The following CPEB1 variants were observed in gnomAD, a reference collection of about 807,000 sequenced individuals.
The protein encoded by CPEB1 is cytoplasmic polyadenylation element binding protein 1, also known as cytoplasmic polyadenylation element-binding protein 1.
In CPEB1, 7 loss-of-function variants were observed where a neutral mutation model predicts 65.8. The ratio of observed to expected loss-of-function variants is 0.11; its 90% CI spans 0.06 to 0.20. CPEB1 has a LOEUF of 0.20. Among genes scored for constraint, CPEB1 ranks in the 10% least tolerant of loss-of-function variants. The pLI is 1.00. For missense variants in CPEB1, 551 were observed against 712.2 expected (o/e 0.77, Z 2.58); for synonymous variants, 262 against 260.0 (o/e 1.01, Z -0.08).
rs73439165 is a variant in CPEB1, at chr15:82,613,319, G to T, written c.271+13874C>A. Among the ~76,000 whole-genome samples, 1,366 of 152,300 alleles carry T rather than the reference G, an allele frequency of 9.0e-3. 22 individuals carry two copies. The highest frequency in any genetic ancestry group is 0.032 in the African/African-American group (1,318 of 41,568). ...ATAAAGGAGAAAGGTTAAATGAATAGATGCAGAAAAGCTGATATAATTTAA... is the reference window on the plus strand; with the variant it reads ...ATAAAGGAGAAAGGTTAAATGAATATATGCAGAAAAGCTGATATAATTTAA... On this transcript the variant is annotated intron_variant, in intron 3 of 12. Transcript: ENST00000684509.
chr15:82,602,612 G>A (rs908126353), intron 3 of CPEB1, among the ~76,000 whole-genome samples: 17 of 152,126 alleles, frequency 1.1e-4, no homozygotes, highest in African/African-American at 3.1e-4. Context: ...TTGGGAGGCC[G>A]AGGCGAATGG....
At chr15:82,643,081 T>C (rs2047230842) in intron 1 of CPEB1, among the ~76,000 whole-genome samples, 1 of 152,164 alleles carries the variant, frequency 6.6e-6, no homozygotes, top group Admixed American at 6.5e-5. Context: ...AGAGAGCTAC[T>C]TTAGTCACCT....
At chr15:82,558,070 C>A (rs887479108) in intron 4 of CPEB1, 84 bp from the exon 5 acceptor site, 1 of 890,022 alleles carries the variant, frequency 1.1e-6, no homozygotes, top group Non-Finnish European at 1.7e-6. Flanking sequence ...AGCCACCCAA[C>A]AAGAGATACC....
intron 3 of CPEB1, among the ~76,000 whole-genome samples, chr15:82,619,265 T>C (rs2045067114): frequency 6.6e-6 from 1 of 152,220 alleles, no homozygotes; most frequent in Non-Finnish European, 1.5e-5. Context: ...AAAATTAATC[T>C]TCCCCTTCTT....
intron 3 of CPEB1, among the ~76,000 whole-genome samples, chr15:82,622,121 T>G (rs1267915965): frequency 1.3e-5 from 2 of 152,104 alleles, no homozygotes; most frequent in Admixed American, 6.5e-5. Context: ...CCTCACAGAT[T>G]CCAAAAGGTC....
intron 3 of CPEB1, among the ~76,000 whole-genome samples, chr15:82,623,601 G>A (rs1037844747): frequency 6.6e-6 from 1 of 152,092 alleles, no homozygotes; most frequent in Non-Finnish European, 1.5e-5. Context: ...ACTTGGACCC[G>A]GGAGTTGGAG....
At chr15:82,561,949 C>T (rs1468843311) in intron 4 of CPEB1, among the ~76,000 whole-genome samples, 1 of 152,192 alleles carries the variant, frequency 6.6e-6, no homozygotes, top group Non-Finnish European at 1.5e-5. Flanking sequence ...AAGCTTCTAA[C>T]AACTTACTGA....
At chr15:82,633,896 A>T (rs988726659) in intron 1 of CPEB1, among the ~76,000 whole-genome samples, 4 of 152,058 alleles carry the variant, frequency 2.6e-5, no homozygotes, top group African/African-American at 9.7e-5. Flanking sequence ...GAAAGAACAC[A>T]GGCTTTGCAA....
intron 8 of CPEB1, 100 bp downstream of exon 8, chr15:82,553,367 A>T (rs2036612310): frequency 2.4e-6 from 2 of 849,076 alleles, no homozygotes; most frequent in Admixed American, 2.1e-5. Context: ...CATGTTACCA[A>T]CATGCAGCTG....
At chr15:82,573,159 C>T (rs2040268012) in intron 3 of CPEB1, 1 of 1,534,976 alleles carries the variant, frequency 6.5e-7, no homozygotes, top group Admixed American at 2.0e-5. Context: ...TCAGAACTTC[C>T]TGCAGTACAC....
intron 11 of CPEB1, 74 bp from the exon 12 acceptor site, chr15:82,546,595 A>T: frequency 1.9e-6 from 2 of 1,080,244 alleles, no homozygotes; most frequent in Non-Finnish European, 2.9e-6. Flanking sequence ...GAAGAAGGGC[A>T]CATTATTGGC....
At chr15:82,573,627 CAT>C (rs1447475690) in intron 3 of CPEB1, among the ~76,000 whole-genome samples, 1 of 152,036 alleles carries the variant, frequency 6.6e-6, no homozygotes, top group Non-Finnish European at 1.5e-5. Context: ...GGTGACTGTG[CAT>C]ATGATTACCC....
Position 82,553,969 on chromosome 15 carries a change from G to C in CPEB1, c.963C>G (p.Thr321=), listed in dbSNP as rs1195050984. ...TCCGGGGAGGAAGCTGGCCACTCCA[G>C]GTACAGGTGGCTTCATTCACAGCTT... ...QAAAVNEATC[T]WSGQLPPRNY... Residue 321 remains threonine (T), a synonymous_variant, in exon 7 of 13, where the codon ACC becomes ACG. Transcript: ENST00000684509. 6.2e-7 allele frequency: 1 copy of C among 1,606,182 alleles called. No homozygotes were observed.
Position 82,570,485 on chromosome 15 carries a change from C to A in CPEB1, c.460+859G>T, listed in dbSNP as rs148866079. Among the ~76,000 whole-genome samples the A allele has an allele frequency of 8.3e-4, 125 of 150,138 alleles. 1 individual carries two copies. The highest frequency in any genetic ancestry group is 2.9e-3 in the African/African-American group (120 of 40,840). On this transcript the variant is annotated intron_variant, in intron 4 of 12. Coordinates refer to ENST00000684509, the MANE Select transcript of CPEB1 (RefSeq NM_001365242.1). ...CAAAATATGTAGCTTGTAAGTATAC[C>A]TGTAGTGTTTAAGTTCACATTTCTT...
chr15:82,569,369 C>T (rs887696191), intron 4 of CPEB1, among the ~76,000 whole-genome samples: 2 of 152,140 alleles, frequency 1.3e-5, no homozygotes, highest in Non-Finnish European at 2.9e-5. Flanking sequence ...GAAAACATAC[C>T]CACACTAACC....
At chr15:82,602,075 C>T (rs1337298829) in intron 3 of CPEB1, among the ~76,000 whole-genome samples, 2 of 152,166 alleles carry the variant, frequency 1.3e-5, no homozygotes, top group Non-Finnish European at 1.5e-5. Context: ...ATAAGTATAT[C>T]TAGAACATTT....
chr15:82,648,003 A>G (rs1013508701), upstream of CPEB1: 3 of 670,082 alleles, frequency 4.5e-6, no homozygotes, highest in Admixed American at 9.0e-5. Context: ...TGAAGCTCCT[A>G]CGAGCCGCTC....
At chr15:82,615,745 C>A (rs1253471748) in intron 3 of CPEB1, among the ~76,000 whole-genome samples, 1 of 152,092 alleles carries the variant, frequency 6.6e-6, no homozygotes, top group African/African-American at 2.4e-5. Flanking sequence ...GAAATCCTAG[C>A]AGGATTATAA....
In CPEB1 at chr15:82,579,957, A is replaced by G. The variant is rs2041098343; in HGVS notation, c.272-8425T>C. ...AAAAAAAAAAAAAAAAAAAAAAAAA[A>G]GACTCTCAAGCACAAAATATTACAT... is the stretch of plus-strand genomic sequence containing the variant. On this transcript the variant is annotated intron_variant, in intron 3 of 12. Transcript: ENST00000684509. 2.5e-5 allele frequency among the ~76,000 whole-genome samples: 3 copies of G among 120,622 alleles called. 1 individual carries two copies. In the South Asian group the frequency reaches 8.3e-4, roughly 33 times the overall value. The allele number at this position is 120,622 out of a possible 152,430, so 79.1% of individuals were successfully genotyped here. A position where few individuals can be genotyped will look rare whatever the true frequency, so the allele number is the denominator to read the frequency against.
Sources: allele counts gnomAD v4.1 joint callset (sites outside exome capture counted in the v4.1 genomes callset), GRCh38; gene constraint gnomAD v4.1.1; transcripts MANE v1.5; gene names NCBI Gene and HGNC (gene_info 2026-07-23, HGNC 2026-07-21).